MAN1C1: variants seen among roughly 807,000 people sequenced by gnomAD.
MAN1C1 encodes mannosyl-oligosaccharide 1,2-alpha-mannosidase IC.
MAN1C1 carries 49 observed loss-of-function variants against 71.5 expected under a neutral mutation model. The ratio of observed to expected loss-of-function variants is 0.69; its 90% CI spans 0.54 to 0.87. MAN1C1 has a LOEUF of 0.87. Among genes scored for constraint, MAN1C1 ranks in the 40% least tolerant of loss-of-function variants. MAN1C1 has a pLI of 0.00. For synonymous variants in MAN1C1, 352 were observed against 343.7 expected (o/e 1.02, Z -0.27); for missense variants, 743 against 835.0 (o/e 0.89, Z 1.36).
chr1:25,686,418 T>C (rs764965701), intron 1 of MAN1C1, 22 bp from the exon 2 acceptor site: 9 of 1,609,742 alleles, frequency 5.6e-6, no homozygotes, highest in Non-Finnish European at 7.7e-6. Context: ...TGAGGTTCTC[T>C]CTATGCTGCT....
rs1179962663 is a variant in MAN1C1, at chr1:25,769,825, A to G, written c.1142-1832A>G. Among the ~76,000 whole-genome samples the G allele has an allele frequency of 6.6e-6, 1 of 152,072 alleles. No homozygotes were observed. The highest frequency in any genetic ancestry group is 1.5e-5 in the Non-Finnish European group (1 of 67,996). On this transcript the variant is annotated intron_variant, in intron 7 of 11. Coordinates refer to ENST00000374332, the MANE Select transcript of MAN1C1 (RefSeq NM_020379.4). The surrounding 1 kb of genome is among the most constrained non-coding windows in gnomAD (Gnocchi z 4.8). ...GCACACCCGGCGGGCACCCGATGGC[A>G]AGGGGGGCCCACCACCCAAGGGGAG...
chr1:25,721,985 T>A (rs1188880269), intron 2 of MAN1C1, among the ~76,000 whole-genome samples: 1 of 152,136 alleles, frequency 6.6e-6, no homozygotes, highest in African/African-American at 2.4e-5. Context: ...AGGGGAGGGG[T>A]AAAATATTTG....
chr1:25,637,409 A>G (rs1053878045), intron 1 of MAN1C1, among the ~76,000 whole-genome samples: 1 of 152,148 alleles, frequency 6.6e-6, no homozygotes, highest in Non-Finnish European at 1.5e-5. Context: ...TAAGTCCCTT[A>G]TGTTCAAAGA....
chr1:25,680,635 G>A (rs3014710), intron 1 of MAN1C1, among the ~76,000 whole-genome samples: 33,384 of 152,188 alleles, frequency 0.22, 6,203 homozygotes, highest in African/African-American at 0.51. Flanking sequence ...GCTGTAGCCT[G>A]CAACAGTGCT....
rs1294715211 is a variant in MAN1C1, at chr1:25,775,376, G to A, written c.1258-2729G>A. 6.6e-6 allele frequency among the ~76,000 whole-genome samples: 1 copy of A among 152,236 alleles called. No individual in the cohort carries two copies. The highest frequency in any genetic ancestry group is 6.5e-5 in the Admixed American group (1 of 15,284). On this transcript the variant is annotated intron_variant, in intron 8 of 11. Transcript: ENST00000374332. This position sits in a 1 kb window ranked among gnomAD's most constrained non-coding sequence, Gnocchi z 5.1. ...TCACATTGTCAGCGCTTTTCCATCTGCCACTCAGTGTGGGTCCTGCAGCCA... is the reference window on the plus strand; with the variant it reads ...TCACATTGTCAGCGCTTTTCCATCTACCACTCAGTGTGGGTCCTGCAGCCA...
intron 2 of MAN1C1, among the ~76,000 whole-genome samples, chr1:25,686,828 A>C (rs1354686857): frequency 6.6e-6 from 1 of 152,192 alleles, no homozygotes; most frequent in African/African-American, 2.4e-5. Flanking sequence ...ATAGTGAAGG[A>C]TGGAGATTTG....
chr1:25,678,395 A>G (rs982516855), intron 1 of MAN1C1, among the ~76,000 whole-genome samples: 1 of 152,262 alleles, frequency 6.6e-6, no homozygotes, highest in African/African-American at 2.4e-5. Flanking sequence ...CTGCACAAAT[A>G]TAAGTGATGA....
At chr1:25,627,251 T>TTTCTTTTCTC (rs1553181038) in intron 1 of MAN1C1, among the ~76,000 whole-genome samples, 4 of 151,628 alleles carry the variant, frequency 2.6e-5, no homozygotes, top group African/African-American at 9.7e-5. Context: ...ATTCCATTCT[T>TTTCTTTTCTC]TTCTCTTCTC....
At position 25,776,645 on chromosome 1, in the gene MAN1C1, C is replaced by A. The variant is rs998803551; in HGVS notation, c.1258-1460C>A. On this transcript the variant is annotated intron_variant, in intron 8 of 11. Coordinates refer to ENST00000374332, the MANE Select transcript of MAN1C1 (RefSeq NM_020379.4). This position sits in a 1 kb window ranked among gnomAD's most constrained non-coding sequence, Gnocchi z 4.3. ...AGCTCCCTGAGGCAGAGTCCAGGCTCCTCTCCAGCACACCTGTAGCCCCAG... is the reference window on the plus strand; with the variant it reads ...AGCTCCCTGAGGCAGAGTCCAGGCTACTCTCCAGCACACCTGTAGCCCCAG... Among the ~76,000 whole-genome samples, 1 of 151,242 alleles carries A rather than the reference C, an allele frequency of 6.6e-6. No homozygotes were observed. Among genetic ancestry groups the A allele is most frequent in the East Asian group, 1.9e-4 (1 of 5,196 alleles).
At chr1:25,706,071 C>A (rs2046517403) in intron 2 of MAN1C1, among the ~76,000 whole-genome samples, 1 of 152,216 alleles carries the variant, frequency 6.6e-6, no homozygotes, top group South Asian at 2.1e-4. Flanking sequence ...ACACAGCTGG[C>A]AAACTGCAGA....
intron 5 of MAN1C1, among the ~76,000 whole-genome samples, chr1:25,758,334 G>C (rs915318666): frequency 6.6e-6 from 1 of 152,158 alleles, no homozygotes; most frequent in Non-Finnish European, 1.5e-5. Flanking sequence ...AGTCTTACAG[G>C]GGTTGCTTGA....
intron 2 of MAN1C1, among the ~76,000 whole-genome samples, chr1:25,745,141 T>C (rs967362893): frequency 2.0e-5 from 3 of 152,236 alleles, no homozygotes; most frequent in Non-Finnish European, 4.4e-5. Flanking sequence ...GGTGTCTTCC[T>C]CATTACTCTT....
chr1:25,690,989 A>G (rs1178674849), intron 2 of MAN1C1, among the ~76,000 whole-genome samples: 1 of 152,250 alleles, frequency 6.6e-6, no homozygotes, highest in African/African-American at 2.4e-5. Context: ...ACCTGCCGCT[A>G]GGCTTTGGGG....
At chr1:25,663,437 G>A (rs1301103168) in intron 1 of MAN1C1, among the ~76,000 whole-genome samples, 1 of 152,010 alleles carries the variant, frequency 6.6e-6, no homozygotes, top group Non-Finnish European at 1.5e-5. Flanking sequence ...TTGCCATAAG[G>A]TTTAATCTAC....
intron 6 of MAN1C1, 91 bp downstream of exon 6, chr1:25,758,800 A>G: frequency 8.8e-7 from 1 of 1,140,770 alleles, no homozygotes; most frequent in Admixed American, 1.7e-5. Flanking sequence ...GTCCTCCCTC[A>G]TGGATCAGCA....
At chr1:25,633,361 C>T (rs892714370) in intron 1 of MAN1C1, among the ~76,000 whole-genome samples, 2 of 152,014 alleles carry the variant, frequency 1.3e-5, no homozygotes, top group Non-Finnish European at 1.5e-5. Context: ...GATGTTTTGT[C>T]TCAATGATCT....
chr1:25,719,318 C>T (rs2124270996), intron 2 of MAN1C1, among the ~76,000 whole-genome samples: 1 of 150,754 alleles, frequency 6.6e-6, no homozygotes, highest in East Asian at 1.9e-4. Flanking sequence ...GGTGATCCGC[C>T]CGCCTCAGCC....
chr1:25,768,850 A>C (rs887225649), intron 7 of MAN1C1, among the ~76,000 whole-genome samples: 1 of 141,972 alleles, frequency 7.0e-6, no homozygotes, highest in African/African-American at 2.7e-5. Context: ...CACACATTAC[A>C]TACACTCTCC....
intron 2 of MAN1C1, among the ~76,000 whole-genome samples, chr1:25,741,479 G>A (rs1218006985): frequency 1.3e-5 from 2 of 152,194 alleles, no homozygotes; most frequent in Non-Finnish European, 2.9e-5. Context: ...ATCCAGTAAG[G>A]AGCCAGGATC....
Sources: allele counts gnomAD v4.1 joint callset (sites outside exome capture counted in the v4.1 genomes callset), GRCh38; gene constraint gnomAD v4.1.1; non-coding constraint Gnocchi (gnomAD v3.1); transcripts MANE v1.5; gene names NCBI Gene and HGNC (gene_info 2026-07-23, HGNC 2026-07-21).